AANAT: variants seen among roughly 807,000 people sequenced by gnomAD.
AANAT encodes the protein aralkylamine N-acetyltransferase.
A neutral mutation model predicts 15.6 loss-of-function variants in AANAT; 11 were observed. That is an observed-to-expected ratio of 0.71 (90% CI 0.44 to 1.17). The LOEUF is 1.17. Among genes scored for constraint, AANAT ranks in the 50% most tolerant of loss-of-function variants. The pLI, the probability that AANAT is intolerant of heterozygous loss-of-function variation, is 0.00. For synonymous variants in AANAT, 139 were observed against 131.5 expected (o/e 1.06, Z -0.39); for missense variants, 286 against 296.3 (o/e 0.97, Z 0.26).
chr17:76,469,701 G>A lies in AANAT; in HGVS notation c.355G>A (p.Ala119Thr). The A allele has an allele frequency of 1.3e-6, 2 of 1,529,720 alleles. No homozygotes were observed. The highest frequency in any genetic ancestry group is 4.0e-5 in the Admixed American group (2 of 50,540). 94.8% of individuals were successfully genotyped at this position (1,529,720 alleles called of 1,614,324 possible). ...LTLHRSGGHI[A>T]HLHVLAVHRA... ...GCTGCACAGGTCTGGGGGCCACATAGCCCACCTGCATGTGCTGGCCGTGCA... is the reference window on the plus strand; with the variant it reads ...GCTGCACAGGTCTGGGGGCCACATAACCCACCTGCATGTGCTGGCCGTGCA... The change falls in exon 4 of 4, where the codon GCC becomes ACC. Residue 119 changes from alanine to threonine, a missense_variant. By Grantham distance (58) the Ala-to-Thr change is moderately conservative (BLOSUM62 0). Transcript: ENST00000392492. The surrounding 1 kb of genome is among the most constrained non-coding windows in gnomAD (Gnocchi z 5.2).
At chr17:76,458,722 T>G (rs528580428) in intron 1 of AANAT, among the ~76,000 whole-genome samples, 2 of 152,342 alleles carry the variant, frequency 1.3e-5, no homozygotes, top group South Asian at 4.1e-4. Flanking sequence ...CCACAAAGTA[T>G]GCTCAGGCCC....
At position 76,469,844 on chromosome 17, in the gene AANAT, C is replaced by A; in HGVS notation, c.498C>A (p.Pro166=). Residue 166 remains proline, a synonymous_variant, in exon 4 of 4, where the codon CCC becomes CCA. Transcript: ENST00000392492. The surrounding 1 kb of genome is among the most constrained non-coding windows in gnomAD (Gnocchi z 5.2). ...TCATGTGCGAGGACGCGCTGGTACC[C>A]TTCTATGAGAGGTTCAGCTTCCACG... ...AALMCEDALV[P]FYERFSFHAV... is the part of the protein sequence containing the mutation. The A allele has an allele frequency of 6.2e-7, 1 of 1,604,674 alleles. No homozygotes were observed. The highest frequency in any genetic ancestry group is 8.5e-7 in the Non-Finnish European group (1 of 1,176,928).
chr17:76,461,121 C>T (rs542117940), intron 2 of AANAT, among the ~76,000 whole-genome samples: 321 of 151,700 alleles, frequency 2.1e-3, no homozygotes, highest in Non-Finnish European at 1.8e-3. Flanking sequence ...GCCGAAATCG[C>T]GCCACTGCAC....
upstream of AANAT, chr17:76,465,878 G>T: frequency 2.8e-6 from 1 of 357,150 alleles, no homozygotes; most frequent in Non-Finnish European, 5.2e-6. Context: ...ATTTTTTTGA[G>T]ACAGGGTCTC....
rs2073489139 is a variant in AANAT at position 76,469,459 on chromosome 17, C to T, written c.318+132C>T. The stretch of plus-strand genomic sequence containing the variant: ...TGGAGAGATGAGTACAGGCCACAGG[C>T]CCCTCCCAGAGCAAGACCTTCTGGG... On this transcript the variant is annotated intron_variant, in intron 3 of 3. Transcript: ENST00000392492. The surrounding 1 kb of genome is among the most constrained non-coding windows in gnomAD (Gnocchi z 5.2). The T allele has an allele frequency of 7.4e-7, 1 of 1,345,480 alleles. No homozygotes were observed. The highest frequency in any genetic ancestry group is 1.0e-6 in the Non-Finnish European group (1 of 991,548). 83.3% of individuals were successfully genotyped at this position (1,345,480 alleles called of 1,614,324 possible). A position where few individuals can be genotyped will look rare whatever the true frequency, so the allele number is the denominator to read the frequency against.
chr17:76,460,475 A>G (rs2073378307), intron 2 of AANAT, among the ~76,000 whole-genome samples: 1 of 151,970 alleles, frequency 6.6e-6, no homozygotes, highest in African/African-American at 2.4e-5. Flanking sequence ...TTTATTAAAA[A>G]AAATAATAGA....
upstream of AANAT, among the ~76,000 whole-genome samples, chr17:76,463,196 C>CGAGTCA (rs1164956944): frequency 6.6e-6 from 1 of 152,046 alleles, no homozygotes; most frequent in African/African-American, 2.4e-5. Context: ...GCCGTGGCAG[C>CGAGTCA]GAGTCAGTGT....
chr17:76,460,509 G>A (rs559684662), intron 2 of AANAT, among the ~76,000 whole-genome samples: 9 of 151,818 alleles, frequency 5.9e-5, no homozygotes, highest in South Asian at 2.1e-4. Context: ...TATATTGGCC[G>A]GACTGGTCTT....
chr17:76,466,086 A>C, upstream of AANAT: 4 of 1,166,454 alleles, frequency 3.4e-6, no homozygotes, highest in Non-Finnish European at 4.9e-6. Flanking sequence ...GCCATGTGGA[A>C]GTCAGCAAAG....
chr17:76,464,766 C>T (rs2073420890), upstream of AANAT, among the ~76,000 whole-genome samples: 1 of 151,748 alleles, frequency 6.6e-6, no homozygotes, highest in African/African-American at 2.4e-5. Flanking sequence ...GGGAAACATA[C>T]AGATGCCAGC....
At chr17:76,457,995 C>T (rs2143962153) in intron 1 of AANAT, among the ~76,000 whole-genome samples, 1 of 152,272 alleles carries the variant, frequency 6.6e-6, no homozygotes, top group South Asian at 2.1e-4. Flanking sequence ...GAGATTGTGC[C>T]ACTGCACTTC....
intron 2 of AANAT, among the ~76,000 whole-genome samples, chr17:76,461,624 A>C (rs1331538045): frequency 6.6e-6 from 1 of 150,958 alleles, no homozygotes; most frequent in East Asian, 1.9e-4. Flanking sequence ...AAAAAAAAAA[A>C]AAAAAAGGAA....
chr17:76,460,130 ATTTTTTTTTTTTTTTTTTTTTTTT>A (rs556197358), intron 2 of AANAT, among the ~76,000 whole-genome samples: 1 of 88,002 alleles, frequency 1.1e-5, no homozygotes, highest in Non-Finnish European at 2.0e-5. Context: ...ACTTCAGGAA[ATTTTTTTTTTTTTTTTTTTTTTTT>A]TTTTTTTTTT....
upstream of AANAT, among the ~76,000 whole-genome samples, chr17:76,465,313 GCTT>G (rs1282468115): frequency 7.3e-5 from 11 of 149,746 alleles, no homozygotes; most frequent in Non-Finnish European, 1.5e-4. Flanking sequence ...TCTCGGAGGT[GCTT>G]CTTTTTTAGA....
intron 2 of AANAT, 87 bp downstream of exon 2, chr17:76,468,996 G>C: frequency 1.3e-5 from 19 of 1,508,818 alleles, no homozygotes; most frequent in Non-Finnish European, 1.3e-5. Flanking sequence ...CCTGTCCTTG[G>C]AGGCTGGGTC....
At chr17:76,462,537 C>T (rs938180507) in intron 3 of AANAT, 4 of 152,306 alleles carry the variant, frequency 2.6e-5, no homozygotes, top group Non-Finnish European at 5.9e-5. Flanking sequence ...GCCAAGGCCT[C>T]GGTTACAGCT....
intron 1 of AANAT, among the ~76,000 whole-genome samples, chr17:76,458,622 G>A (rs572310571): frequency 6.6e-6 from 1 of 152,182 alleles, no homozygotes; most frequent in African/African-American, 2.4e-5. Flanking sequence ...TGCAGGAGGC[G>A]GCAGAGCCAG....
Position 76,470,105 on chromosome 17 carries a change from T to A in AANAT, c.*135T>A. 1.0e-6 allele frequency: 1 copy of A among 994,198 alleles called. No individual in the cohort carries two copies. The highest frequency in any genetic ancestry group is 1.4e-6 in the Non-Finnish European group (1 of 719,970). The allele number at this position is 994,198 out of a possible 1,614,324, so 61.6% of individuals were successfully genotyped here. A position where few individuals can be genotyped will look rare whatever the true frequency, so the allele number is the denominator to read the frequency against. ...TAAATAAAGAGGAGATAAGGTGGCT[T>A]CTCACGGCCTGAGCTGGAGTGGTGT... On this transcript the variant is annotated 3_prime_UTR_variant, in exon 4 of 4. Coordinates refer to ENST00000392492, the MANE Select transcript of AANAT (RefSeq NM_001088.3).
At chr17:76,463,652 C>T (rs1205468214), upstream of AANAT, among the ~76,000 whole-genome samples, 1 of 152,076 alleles carries the variant, frequency 6.6e-6, no homozygotes, top group African/African-American at 2.4e-5. Context: ...TCCCTGTTGG[C>T]AGAATCTGAG....
Sources: gnomAD v4.1 joint callset for allele counts (sites outside exome capture counted in the v4.1 genomes callset) on GRCh38, gnomAD v4.1.1 for gene constraint, Gnocchi (gnomAD v3.1) non-coding constraint, MANE v1.5 for transcripts, NCBI Gene and HGNC (gene_info 2026-07-23, HGNC 2026-07-21) for gene names.